Variants in ANO4 observed in about 807,000 individuals in gnomAD.
The protein encoded by ANO4 is anoctamin 4, also known as anoctamin-4.
Under a neutral mutation model 141.9 loss-of-function variants are expected in ANO4, and 69 were observed. That is an observed-to-expected ratio of 0.49 (90% CI 0.40 to 0.59). The LOEUF is 0.59. Ranked by LOEUF, ANO4 falls within the 20% of genes least tolerant of loss-of-function variation. ANO4 has a pLI of 0.00. For synonymous variants in ANO4, 350 were observed against 394.3 expected, an observed-to-expected ratio of 0.89 and a Z score of 1.33; for missense variants, 894 against 1,162.2, an observed-to-expected ratio of 0.77 and a Z score of 3.36.
At chr12:100,754,614 A>G (rs1384078000) in intron 3 of ANO4, among the ~76,000 whole-genome samples, 1 of 152,226 alleles carries the variant, frequency 6.6e-6, no homozygotes, top group East Asian at 1.9e-4. Flanking sequence ...ATTTGTAACA[A>G]ATGTTCATAG....
intron 8 of ANO4, among the ~76,000 whole-genome samples, chr12:101,004,208 C>T (rs1298123291): frequency 1.3e-5 from 2 of 151,892 alleles, no homozygotes; most frequent in South Asian, 2.1e-4. Context: ...CAGATGATAA[C>T]TGCAGGAAGT....
chr12:100,737,283 T>C (rs1243632297), intron 2 of ANO4, among the ~76,000 whole-genome samples: 1 of 152,188 alleles, frequency 6.6e-6, no homozygotes, highest in Non-Finnish European at 1.5e-5. Context: ...GGCAGCCACA[T>C]GGCTGCAGGG....
chr12:101,127,200 C>A, intron 27 of ANO4, 126 bp downstream of exon 27: 1 of 1,013,738 alleles, frequency 9.9e-7, no homozygotes, highest in Non-Finnish European at 1.4e-6. Context: ...AGAAGCTTCC[C>A]AATCCAAAAG....
intron 1 of ANO4, among the ~76,000 whole-genome samples, chr12:100,846,038 G>A (rs545107594): frequency 6.6e-6 from 1 of 152,256 alleles, no homozygotes; most frequent in African/African-American, 2.4e-5. Context: ...GAATTATTTA[G>A]CTGCTCTGTG....
At chr12:100,766,655 T>C (rs1035841980) in intron 3 of ANO4, among the ~76,000 whole-genome samples, 4 of 152,200 alleles carry the variant, frequency 2.6e-5, no homozygotes, top group Non-Finnish European at 5.9e-5. Context: ...CTTTATGGCC[T>C]AATATGTGAT....
At chr12:100,997,677 A>T (rs1358982196) in intron 8 of ANO4, among the ~76,000 whole-genome samples, 1 of 152,116 alleles carries the variant, frequency 6.6e-6, no homozygotes, top group African/African-American at 2.4e-5. Flanking sequence ...TGGCCTTTAC[A>T]CCAAAGGGGC....
At chr12:100,839,914 G>A (rs754375232) in intron 1 of ANO4, among the ~76,000 whole-genome samples, 8 of 152,028 alleles carry the variant, frequency 5.3e-5, no homozygotes, top group Non-Finnish European at 8.8e-5. Context: ...CACACTGCCC[G>A]TCTTCATATG....
intron 2 of ANO4, chr12:100,733,878 G>T: frequency 2.9e-6 from 2 of 679,412 alleles, no homozygotes; most frequent in South Asian, 3.2e-5. Flanking sequence ...GTGTCATTTT[G>T]ATTTTTTTAA....
chr12:100,819,931 C>T (rs1049984264), intron 1 of ANO4, among the ~76,000 whole-genome samples: 22 of 152,022 alleles, frequency 1.4e-4, no homozygotes, highest in Non-Finnish European at 1.6e-4. Context: ...AAGCCCAAAT[C>T]AAGTTCCTTA....
chr12:100,894,794 G>A (rs1199003777), intron 1 of ANO4, among the ~76,000 whole-genome samples: 4 of 151,768 alleles, frequency 2.6e-5, no homozygotes, highest in South Asian at 2.1e-4. Context: ...GTGAAACCCC[G>A]TCTCTACTAA....
chr12:100,788,602 C>T (rs1164204135), intron 3 of ANO4, among the ~76,000 whole-genome samples: 2 of 152,158 alleles, frequency 1.3e-5, no homozygotes, highest in South Asian at 2.1e-4. Flanking sequence ...ACTCAAGAGT[C>T]AGAGATAGCT....
At chr12:100,838,957 A>T (rs1315614079) in intron 1 of ANO4, among the ~76,000 whole-genome samples, 1 of 152,188 alleles carries the variant, frequency 6.6e-6, no homozygotes, top group East Asian at 1.9e-4. Context: ...ATGAAACAGA[A>T]GGGAGACTAA....
intron 1 of ANO4, among the ~76,000 whole-genome samples, chr12:100,799,691 A>G (rs1224992356): frequency 6.6e-6 from 1 of 152,162 alleles, no homozygotes; most frequent in Admixed American, 6.5e-5. Context: ...CAGTGAGCCG[A>G]GATTGCGCCA....
chr12:101,083,543 C>T, intron 15 of ANO4, 135 bp from the exon 16 acceptor site: 1 of 1,095,742 alleles, frequency 9.1e-7, no homozygotes, highest in South Asian at 1.6e-5. Flanking sequence ...GCCTGGGCAC[C>T]CAAACCCACT....
At chr12:100,784,322 C>G (rs561553459) in intron 3 of ANO4, among the ~76,000 whole-genome samples, 4 of 152,192 alleles carry the variant, frequency 2.6e-5, no homozygotes, top group Non-Finnish European at 5.9e-5. Flanking sequence ...GATCTTCTAA[C>G]TACACCCAGA....
rs1555270096 is a variant in ANO4 at position 100,990,022 on chromosome 12, T to TGGAC, written c.734+2353_734+2356dup. On this transcript the variant is annotated intron_variant, in intron 8 of 27. Coordinates refer to ENST00000392977, the MANE Select transcript of ANO4 (RefSeq NM_001286615.2). ...ATGGATGGATGGATGGATGGATGGA[T>TGGAC]GGACAGATGGATGAATAGATACATG... is the stretch of plus-strand genomic sequence containing the variant. 3.3e-3 allele frequency among the ~76,000 whole-genome samples: 499 copies of TGGAC among 151,762 alleles called. 5 individuals carry two copies. The highest frequency in any genetic ancestry group is 0.012 in the African/African-American group (485 of 41,254).
chr12:101,030,671 A>T lies in ANO4; in HGVS notation c.842-6424A>T, dbSNP rs1566148992. ...GATAGAGACACAAAAACCCTCCAAA[A>T]CCAGGAACTGTTTTTTTGAAAAAAA... On this transcript the variant is annotated intron_variant, in intron 9 of 27. Coordinates refer to ENST00000392977, the MANE Select transcript of ANO4 (RefSeq NM_001286615.2). Among the ~76,000 whole-genome samples, 5 of 151,968 alleles carry T rather than the reference A, an allele frequency of 3.3e-5. No homozygotes were observed. The South Asian group carries it at 1.0e-3, about 31-fold the overall frequency.
chr12:100,805,336 T>A (rs2135679214), intron 1 of ANO4, among the ~76,000 whole-genome samples: 1 of 152,344 alleles, frequency 6.6e-6, no homozygotes, highest in Middle Eastern at 3.4e-3. Flanking sequence ...AGTACCATGC[T>A]GTTTTGGTTA....
intron 5 of ANO4, among the ~76,000 whole-genome samples, chr12:100,951,266 G>A (rs1566048588): frequency 1.3e-5 from 2 of 152,206 alleles, no homozygotes; most frequent in Non-Finnish European, 2.9e-5. Context: ...ACTGTGGAAA[G>A]CAGTGTGGAG....
Sources: gnomAD v4.1 joint callset for allele counts (sites outside exome capture counted in the v4.1 genomes callset) on GRCh38, gnomAD v4.1.1 for gene constraint, MANE v1.5 for transcripts, NCBI Gene and HGNC (gene_info 2026-07-23, HGNC 2026-07-21) for gene names.